The following IL17REL variants were observed in gnomAD, a reference collection of about 807,000 sequenced individuals.
IL17REL encodes interleukin-17 receptor E-like protein.
Under a neutral mutation model 49.0 loss-of-function variants are expected in IL17REL, and 36 were observed. That is an observed-to-expected ratio of 0.73 (90% CI 0.56 to 0.97). IL17REL has a LOEUF of 0.97. IL17REL is among the 50% of genes least tolerant of loss of function. IL17REL has a pLI of 0.00. For missense variants in IL17REL, 470 were observed against 453.9 expected (o/e 1.04, Z -0.32); for synonymous variants, 206 against 192.4 (o/e 1.07, Z -0.58).
At chr22:50,002,495 C>CTTTTTTT (rs398040533) in intron 1 of IL17REL, among the ~76,000 whole-genome samples, 6 of 127,902 alleles carry the variant, frequency 4.7e-5, no homozygotes, top group Admixed American at 1.6e-4. Context: ...CTTTTCTTTT[C>CTTTTTTT]TTTTTTTTTT....
upstream of IL17REL, among the ~76,000 whole-genome samples, chr22:50,009,767 C>G (rs1176048974): frequency 6.6e-6 from 1 of 152,224 alleles, no homozygotes; most frequent in African/African-American, 2.4e-5. Context: ...CGGGCATTAC[C>G]GGTGGCTACA....
At chr22:49,998,242 C>A in exon 8 of IL17REL, 2 of 1,612,588 alleles carry the variant, frequency 1.2e-6, no homozygotes, top group Non-Finnish European at 1.7e-6. Context: ...AGGCGGGCTC[C>A]CAGCTCAGTG....
chr22:49,993,852 C>T (rs1033747039), downstream of IL17REL, among the ~76,000 whole-genome samples: 2 of 152,118 alleles, frequency 1.3e-5, no homozygotes, highest in Admixed American at 1.3e-4. This position sits in a 1 kb window ranked among gnomAD's most constrained non-coding sequence, Gnocchi z 6.0. Context: ...CAGGGAGCAC[C>T]CCTGGCTGGT....
intron 9 of IL17REL, 49 bp downstream of exon 11, chr22:49,997,976 C>T (rs541850117): frequency 1.3e-6 from 2 of 1,591,840 alleles, no homozygotes; most frequent in South Asian, 2.2e-5. Flanking sequence ...CCTGATGCCC[C>T]CTGGCCCCTC....
At chr22:49,997,922 G>A (rs2061047055) in intron 9 of IL17REL, 103 bp downstream of exon 11, 2 of 1,493,284 alleles carry the variant, frequency 1.3e-6, no homozygotes, top group African/African-American at 2.8e-5. Flanking sequence ...CGCCTGGGAG[G>A]CTAGGCTCCA....
chr22:50,004,590 C>T (rs2061098152), intron 1 of IL17REL, among the ~76,000 whole-genome samples: 1 of 151,932 alleles, frequency 6.6e-6, no homozygotes, highest in South Asian at 2.1e-4. Flanking sequence ...TGTGTGAGGC[C>T]AACAACTCCC....
chr22:49,993,253 G>T (rs2061015008), downstream of IL17REL, among the ~76,000 whole-genome samples: 1 of 152,228 alleles, frequency 6.6e-6, no homozygotes, highest in African/African-American at 2.4e-5. This position sits in a 1 kb window ranked among gnomAD's most constrained non-coding sequence, Gnocchi z 6.0. Context: ...ATGAGTGAAT[G>T]AGGCAGGCGG....
rs1244618105 is a variant in IL17REL at position 50,000,249 on chromosome 22, C to T, written c.334+229G>A. ...GTCCTCCTCTCCGCAGTCTGCAAACCGCAGAGGCAATGGCGGGGTGCGGGC... is the reference window on the plus strand; with the variant it reads ...GTCCTCCTCTCCGCAGTCTGCAAACTGCAGAGGCAATGGCGGGGTGCGGGC... On this transcript the variant is annotated intron_variant, in intron 4 of 12. Transcript: ENST00000341280. 6.6e-6 allele frequency among the ~76,000 whole-genome samples: 1 copy of T among 152,226 alleles called. No homozygotes were observed. The highest frequency in any genetic ancestry group is 2.4e-5 in the African/African-American group (1 of 41,458).
chr22:49,996,954 G>C, intron 12 of IL17REL, 40 bp downstream of exon 14: 1 of 1,065,898 alleles, frequency 9.4e-7, no homozygotes, highest in Non-Finnish European at 1.3e-6. Flanking sequence ...TCCTGCAGTG[G>C]AGGAGATGGC....
Position 50,003,492 on chromosome 22 carries a change from G to A in IL17REL, c.-41-2261C>T, listed in dbSNP as rs866516192. Among the ~76,000 whole-genome samples the A allele has an allele frequency of 1.1e-4, 14 of 131,014 alleles. No individual in the cohort carries two copies. In the South Asian group the frequency reaches 1.5e-3, roughly 14 times the overall value. 86.0% of individuals were successfully genotyped at this position (131,014 alleles called of 152,430 possible). On this transcript the variant is annotated intron_variant, in intron 1 of 12. Coordinates refer to ENST00000341280, the Ensembl canonical transcript of IL17REL. The stretch of plus-strand genomic sequence containing the variant: ...GCCAAGATCGTGCCACTGCACTCCA[G>A]CCTGGAGACAGAGTGAGACTCCATC...
chr22:50,006,191 C>G (rs1309420531), intron 1 of IL17REL, among the ~76,000 whole-genome samples: 1 of 152,044 alleles, frequency 6.6e-6, no homozygotes, highest in Non-Finnish European at 1.5e-5. Flanking sequence ...ACCCTCTCCC[C>G]AAAGCCCAGG....
intron 6 of IL17REL, 29 bp from the exon 9 acceptor site, chr22:49,999,374 C>A (rs772904947): frequency 2.5e-6 from 4 of 1,612,806 alleles, no homozygotes; most frequent in East Asian, 2.2e-5. Flanking sequence ...TCAGCGCAGC[C>A]CACCCATCCC....
chr22:50,000,088 G>T, intron 4 of IL17REL, 108 bp downstream of exon 6: 3 of 1,126,526 alleles, frequency 2.7e-6, no homozygotes, highest in Non-Finnish European at 3.6e-6. Flanking sequence ...GGAGTCGCCC[G>T]CCCGAGGGCC....
chr22:49,999,274 C>T lies in IL17REL; in HGVS notation c.601+17G>A. 6.2e-7 allele frequency: 1 copy of T among 1,612,958 alleles called. No individual in the cohort carries two copies. Among genetic ancestry groups the T allele is most frequent in the African/African-American group, 1.3e-5 (1 of 75,030 alleles). On this transcript the variant is annotated intron_variant, in intron 7 of 12. Transcript: ENST00000341280. ...CCATTCCCACCCTTCCGCCCGTTGG[C>T]ATCGCAGGACACTTGCCGTTTTCAA...
At chr22:49,998,630 G>A (rs545451519) in intron 7 of IL17REL, among the ~76,000 whole-genome samples, 1 of 149,530 alleles carries the variant, frequency 6.7e-6, no homozygotes, top group South Asian at 2.2e-4. Context: ...ATGGGTGTGC[G>A]TGAGTGTGCC....
chr22:50,006,995 A>T (rs1263545778), intron 1 of IL17REL, among the ~76,000 whole-genome samples: 2 of 151,918 alleles, frequency 1.3e-5, no homozygotes, highest in Non-Finnish European at 2.9e-5. Flanking sequence ...AAACTAAAAA[A>T]CCTATATGAC....
chr22:50,012,718 GCA>G (rs1386737853), upstream of IL17REL: 1 of 152,296 alleles, frequency 6.6e-6, no homozygotes, highest in Non-Finnish European at 1.5e-5. Flanking sequence ...ATGCCCTGTG[GCA>G]GCGGCTCCAG....
In IL17REL at chr22:49,999,594, G is replaced by A. The variant is rs1601886993; in HGVS notation, c.475-92C>T. 5 of 1,073,104 alleles carry A rather than the reference G, an allele frequency of 4.7e-6. No homozygotes were observed. The East Asian group carries it at 1.3e-4, about 28-fold the overall frequency. 66.5% of individuals were successfully genotyped at this position (1,073,104 alleles called of 1,614,324 possible). On this transcript the variant is annotated intron_variant, in intron 5 of 12. Transcript: ENST00000341280. ...CCTGCACCGAACGGGGCGGGAGCGG[G>A]GACGGGAGGTGGGTGGGGCCTAGGC...
chr22:50,000,929 G>T, intron 2 of IL17REL, 66 bp from the exon 4 acceptor site: 2 of 1,325,910 alleles, frequency 1.5e-6, no homozygotes, highest in Non-Finnish European at 2.1e-6. Context: ...GGACGGGGCC[G>T]TGGGACCCTG....
Sources: allele counts gnomAD v4.1 joint callset (sites outside exome capture counted in the v4.1 genomes callset), GRCh38; gene constraint gnomAD v4.1.1; non-coding constraint Gnocchi (gnomAD v3.1); transcripts MANE v1.5; gene names NCBI Gene and HGNC (gene_info 2026-07-23, HGNC 2026-07-21).